CYP39A1: variants seen among roughly 807,000 people sequenced by gnomAD.
CYP39A1 encodes the protein 24-hydroxycholesterol 7-alpha-hydroxylase.
A neutral mutation model predicts 58.1 loss-of-function variants in CYP39A1; 49 were observed. The ratio of observed to expected loss-of-function variants is 0.84; its 90% CI spans 0.67 to 1.07. CYP39A1 has a LOEUF of 1.07. Ranked by LOEUF, CYP39A1 falls within the 50% of genes least tolerant of loss-of-function variation. The probability of loss-of-function intolerance (pLI) is 0.00; values close to 1 mark genes in which losing one functional copy is unlikely to be tolerated. For missense variants in CYP39A1, 531 were observed against 539.4 expected, an observed-to-expected ratio of 0.98 and a Z score of 0.16; for synonymous variants, 209 against 187.6, an observed-to-expected ratio of 1.11 and a Z score of -0.93.
rs139300496 is a variant in CYP39A1, at chr6:46,590,708, T to C, written c.1066-2579A>G. ...AAGACAGTCATTAACTAGCTAGATT[T>C]CTTTCCAGTATGTTTACTTAGTATT... On this transcript the variant is annotated intron_variant, in intron 8 of 11. Coordinates refer to ENST00000275016, the MANE Select transcript of CYP39A1 (RefSeq NM_016593.5). Among the ~76,000 whole-genome samples, 11 of 152,286 alleles carry C rather than the reference T, an allele frequency of 7.2e-5. No homozygotes were observed. The East Asian group carries it at 2.1e-3, about 29-fold the overall frequency.
chr6:46,590,568 T>A (rs73463110), intron 8 of CYP39A1, among the ~76,000 whole-genome samples: 28,439 of 152,058 alleles, frequency 0.19, 5,288 homozygotes, highest in African/African-American at 0.47. Flanking sequence ...AAATAAGTAT[T>A]TTTTAAATTA....
Position 46,561,740 on chromosome 6 carries a change from A to G in CYP39A1, c.1251-7886T>C, listed in dbSNP as rs1287394073. Among the ~76,000 whole-genome samples, 3 of 152,296 alleles carry G rather than the reference A, an allele frequency of 2.0e-5. No individual in the cohort carries two copies. The East Asian group carries it at 5.8e-4, about 29-fold the overall frequency. On this transcript the variant is annotated intron_variant, in intron 10 of 11. Transcript: ENST00000275016. Reference sequence around the variant, plus strand: ...AACATATAGGAGGTATTCAATAAATACTTCCTGGATCCCTAAAATAATTTG... The same window carrying G: ...AACATATAGGAGGTATTCAATAAATGCTTCCTGGATCCCTAAAATAATTTG...
intron 7 of CYP39A1, among the ~76,000 whole-genome samples, chr6:46,596,624 G>A (rs1244169190): frequency 6.6e-6 from 1 of 151,810 alleles, no homozygotes; most frequent in Non-Finnish European, 1.5e-5. Flanking sequence ...GGGCAATGGG[G>A]CACAAGTATC....
intron 10 of CYP39A1, among the ~76,000 whole-genome samples, chr6:46,584,380 C>G (rs558184872): frequency 1.3e-5 from 2 of 152,160 alleles, no homozygotes; most frequent in African/African-American, 4.8e-5. Context: ...CTCTCTCATT[C>G]CTGATTTCTG....
chr6:46,557,586 G>A (rs936618628), intron 10 of CYP39A1, among the ~76,000 whole-genome samples: 1 of 150,658 alleles, frequency 6.6e-6, no homozygotes, highest in Non-Finnish European at 1.5e-5. Context: ...GAGGTTGCAC[G>A]GAGCCAAGAT....
At chr6:46,623,859 T>C (rs1352880527) in intron 7 of CYP39A1, among the ~76,000 whole-genome samples, 1 of 152,118 alleles carries the variant, frequency 6.6e-6, no homozygotes, top group Non-Finnish European at 1.5e-5. Flanking sequence ...AGCTTCTGTA[T>C]AAGTATGGTT....
At chr6:46,621,162 T>G (rs1232490293) in intron 7 of CYP39A1, among the ~76,000 whole-genome samples, 1 of 152,104 alleles carries the variant, frequency 6.6e-6, no homozygotes, top group African/African-American at 2.4e-5. Flanking sequence ...ACTGTCTGAA[T>G]AGATTATTCA....
At chr6:46,635,020 T>G (rs936439163) in intron 5 of CYP39A1, among the ~76,000 whole-genome samples, 6 of 152,236 alleles carry the variant, frequency 3.9e-5, no homozygotes, top group Non-Finnish European at 8.8e-5. Context: ...ATGAAGGGCC[T>G]TCCAGTATGG....
chr6:46,619,541 G>A (rs1289926912), intron 7 of CYP39A1, among the ~76,000 whole-genome samples: 1 of 151,998 alleles, frequency 6.6e-6, no homozygotes, highest in Non-Finnish European at 1.5e-5. Flanking sequence ...CAGAGTTGGG[G>A]AAAGTGACTT....
chr6:46,619,931 G>T (rs551994781), intron 7 of CYP39A1, among the ~76,000 whole-genome samples: 1 of 152,170 alleles, frequency 6.6e-6, no homozygotes, highest in Non-Finnish European at 1.5e-5. Context: ...GTTTTCCAAA[G>T]AAATTTTAAA....
chr6:46,567,460 G>T (rs1771356636), intron 10 of CYP39A1, among the ~76,000 whole-genome samples: 1 of 152,064 alleles, frequency 6.6e-6, no homozygotes, highest in South Asian at 2.1e-4. Context: ...TTGAGATACT[G>T]ATTTTGTTTC....
intron 5 of CYP39A1, among the ~76,000 whole-genome samples, chr6:46,633,973 A>G (rs1036955178): frequency 6.6e-5 from 10 of 152,224 alleles, no homozygotes; most frequent in Admixed American, 6.5e-4. Flanking sequence ...TAAACTGCTC[A>G]TGGATGTTCA....
intron 7 of CYP39A1, among the ~76,000 whole-genome samples, chr6:46,617,696 T>TG (rs1398553626): frequency 6.6e-6 from 1 of 152,162 alleles, no homozygotes; most frequent in African/African-American, 2.4e-5. Context: ...GCTAGCTGTA[T>TG]GGTCTTAGGT....
In CYP39A1 at chr6:46,646,526, G is replaced by GT. The variant is rs1223308058; in HGVS notation, c.178-4229dup. On this transcript the variant is annotated intron_variant, in intron 1 of 11. Transcript: ENST00000275016. ...TATTCATAAGTAATACTTGTCTGTA[G>GT]TTTTTTTCCGTACTATCTGTGGTTT... Among the ~76,000 whole-genome samples, 5 of 152,084 alleles carry GT rather than the reference G, an allele frequency of 3.3e-5. No homozygotes were observed. In the East Asian group the frequency reaches 5.8e-4, roughly 18 times the overall value.
intron 6 of CYP39A1, among the ~76,000 whole-genome samples, chr6:46,626,220 C>G (rs1775301325): frequency 6.6e-6 from 1 of 152,086 alleles, no homozygotes; most frequent in African/African-American, 2.4e-5. Flanking sequence ...TAAAATCATA[C>G]TGCTTTACAT....
intron 10 of CYP39A1, chr6:46,583,320 T>C: frequency 4.1e-6 from 4 of 985,416 alleles, no homozygotes; most frequent in Non-Finnish European, 4.8e-6. Flanking sequence ...TTGCAGGAAT[T>C]AGAACCAAGG....
At chr6:46,615,474 A>G (rs1195302469) in intron 7 of CYP39A1, among the ~76,000 whole-genome samples, 1 of 152,110 alleles carries the variant, frequency 6.6e-6, no homozygotes, top group Non-Finnish European at 1.5e-5. Flanking sequence ...AAACTTGTCT[A>G]ATGACAGTTT....
intron 5 of CYP39A1, 91 bp downstream of exon 5, chr6:46,636,298 A>C: frequency 1.1e-6 from 1 of 892,796 alleles, no homozygotes; most frequent in East Asian, 2.7e-5. Flanking sequence ...ATGGTATCTA[A>C]TCAATCTCAT....
At chr6:46,601,763 C>T (rs941892484) in intron 7 of CYP39A1, among the ~76,000 whole-genome samples, 8 of 151,516 alleles carry the variant, frequency 5.3e-5, no homozygotes, top group African/African-American at 7.2e-5. Flanking sequence ...TCAGGTGATC[C>T]GCCCATCTCA....
Sources: gnomAD v4.1 joint callset for allele counts (sites outside exome capture counted in the v4.1 genomes callset) on GRCh38, gnomAD v4.1.1 for gene constraint, MANE v1.5 for transcripts, NCBI Gene and HGNC (gene_info 2026-07-23, HGNC 2026-07-21) for gene names.